The following PCGF3 variants were observed in gnomAD, a reference collection of about 807,000 sequenced individuals.
PCGF3 encodes polycomb group RING finger protein 3.
PCGF3 carries 7 observed loss-of-function variants against 33.1 expected under a neutral mutation model. The observed-to-expected ratio is 0.21, with a 90% CI of 0.12 to 0.40. PCGF3 has a LOEUF of 0.40. Among genes scored for constraint, PCGF3 ranks in the 10% least tolerant of loss-of-function variants. The pLI is 1.00. For synonymous variants in PCGF3, 153 were observed against 121.3 expected (o/e 1.26, Z -1.72); for missense variants, 211 against 313.3 (o/e 0.67, Z 2.46).
chr4:715,210 G>GAA, intron 1 of PCGF3, among the ~76,000 whole-genome samples: 1 of 140,652 alleles, frequency 7.1e-6, no homozygotes, highest in African/African-American at 2.5e-5. Flanking sequence ...TGAGAACTGG[G>GAA]TGTTGGTGCT....
chr4:737,638 G>A (rs958565125), intron 6 of PCGF3, 117 bp downstream of exon 6: 16 of 698,276 alleles, frequency 2.3e-5, no homozygotes, highest in Middle Eastern at 2.7e-4. Flanking sequence ...CCGAATCACC[G>A]TCTTCTCATC....
At position 744,700 on chromosome 4, in the gene PCGF3, C is replaced by A. The variant is rs1408085438; in HGVS notation, c.462+12C>A. On this transcript the variant is annotated intron_variant, in intron 8 of 10. Coordinates refer to ENST00000362003, the Ensembl canonical transcript of PCGF3. ...GCAGCGACGAGCAGGTGGGCGGGGCCCGGGGGTCGCTGCAGTGTTAGTGTT... is the reference window on the plus strand; with the variant it reads ...GCAGCGACGAGCAGGTGGGCGGGGCACGGGGGTCGCTGCAGTGTTAGTGTT... 2.0e-6 allele frequency: 3 copies of A among 1,508,140 alleles called. No homozygotes were observed. Among genetic ancestry groups the A allele is most frequent in the Non-Finnish European group, 2.7e-6 (3 of 1,114,544 alleles). 93.4% of individuals were successfully genotyped at this position (1,508,140 alleles called of 1,614,324 possible).
At chr4:761,445 T>C in intron 9 of PCGF3, 29 bp downstream of exon 9, 1 of 1,548,942 alleles carries the variant, frequency 6.5e-7, no homozygotes, top group Non-Finnish European at 8.8e-7. Context: ...GTAGAAACCA[T>C]AACAAGTCCT....
rs138730390 is a variant in PCGF3, at chr4:754,335, C to T, written c.463-6944C>T. Among the ~76,000 whole-genome samples the T allele has an allele frequency of 6.1e-3, 931 of 152,328 alleles. 9 individuals carry two copies. The highest frequency in any genetic ancestry group is 0.021 in the African/African-American group (876 of 41,564). On this transcript the variant is annotated intron_variant, in intron 8 of 10. Coordinates refer to ENST00000362003, the Ensembl canonical transcript of PCGF3. ...GCTCCTGTCCGCACCCTCGGGCACG[C>T]GCTGTGCTCTTGGGACTTCACACCC...
chr4:721,580 G>T lies in PCGF3; in HGVS notation c.-189-9050G>T, dbSNP rs1377359012. 6.6e-6 allele frequency among the ~76,000 whole-genome samples: 1 copy of T among 152,048 alleles called. No homozygotes were observed. The highest frequency in any genetic ancestry group is 2.4e-5 in the African/African-American group (1 of 41,410). On this transcript the variant is annotated intron_variant, in intron 1 of 10. Transcript: ENST00000362003. This position sits in a 1 kb window ranked among gnomAD's most constrained non-coding sequence, Gnocchi z 4.1. ...GAGTGCACTCGCTGGGGGTCACCCT[G>T]CCCCCCAGGACTCCTTTCACAGGAC...
intron 4 of PCGF3, 110 bp downstream of exon 4, chr4:733,899 A>G (rs562978204): frequency 1.9e-6 from 3 of 1,586,302 alleles, no homozygotes; most frequent in Non-Finnish European, 2.6e-6. Context: ...GCCCGACAAA[A>G]GCAGGAACCA....
At chr4:728,124 G>A (rs1357708216) in intron 1 of PCGF3, among the ~76,000 whole-genome samples, 2 of 152,164 alleles carry the variant, frequency 1.3e-5, no homozygotes, top group African/African-American at 2.4e-5. Context: ...TATCTTGTCC[G>A]TGCTCGGACG....
intron 9 of PCGF3, chr4:761,662 T>G (rs1745066371): frequency 2.0e-6 from 2 of 985,254 alleles, no homozygotes; most frequent in Non-Finnish European, 2.4e-6. Context: ...GCGGGGATGA[T>G]GAGACTGTTT....
intron 1 of PCGF3, among the ~76,000 whole-genome samples, chr4:725,978 C>G (rs1182414339): frequency 1.3e-5 from 2 of 152,168 alleles, no homozygotes; most frequent in South Asian, 2.1e-4. Context: ...TCAGGTCGTC[C>G]CAGCCTCTTC....
intron 8 of PCGF3, among the ~76,000 whole-genome samples, chr4:749,737 G>A (rs1004033665): frequency 3.3e-5 from 5 of 152,018 alleles, no homozygotes; most frequent in South Asian, 2.1e-4. Context: ...CACCTGCCTC[G>A]GCTTCCCAAA....
In PCGF3 at chr4:727,233, C is replaced by CTTTTTTTTTTTTTTTTTT. The variant is rs57690550; in HGVS notation, c.-189-3389_-189-3372dup. ...AGAGGATGTGTGTGTTAGCGAGCGT[C>CTTTTTTTTTTTTTTTTTT]TTTTTTTTTTTTTTTTTTTTTTTTT... On this transcript the variant is annotated intron_variant, in intron 1 of 10. Coordinates refer to ENST00000362003, the Ensembl canonical transcript of PCGF3. Among the ~76,000 whole-genome samples, 81 of 61,898 alleles carry CTTTTTTTTTTTTTTTTTT rather than the reference C, an allele frequency of 1.3e-3. 10 individuals are homozygous for CTTTTTTTTTTTTTTTTTT. Among genetic ancestry groups the CTTTTTTTTTTTTTTTTTT allele is most frequent in the South Asian group, 2.6e-3 (3 of 1,146 alleles). 40.6% of individuals were successfully genotyped at this position (61,898 alleles called of 152,430 possible). A position where few individuals can be genotyped will look rare whatever the true frequency, so the allele number is the denominator to read the frequency against.
intron 1 of PCGF3, chr4:722,359 C>T (rs181854759): frequency 6.7e-5 from 13 of 195,078 alleles, no homozygotes; most frequent in Non-Finnish European, 1.2e-4. Flanking sequence ...CCCAGCATCC[C>T]GCAGCTAAAT....
intron 8 of PCGF3, chr4:757,566 C>A (rs1442640651): frequency 6.6e-6 from 1 of 152,184 alleles, no homozygotes; most frequent in East Asian, 1.9e-4. Flanking sequence ...TATTTCTGTT[C>A]TTAAAATGTC....
intron 7 of PCGF3, 77 bp downstream of exon 7, chr4:743,661 C>T: frequency 1.2e-6 from 1 of 828,938 alleles, no homozygotes; most frequent in Non-Finnish European, 2.0e-6. Context: ...CTGGCGCTGT[C>T]TGCCGGCCCC....
chr4:736,874 C>G (rs761649098), intron 5 of PCGF3, among the ~76,000 whole-genome samples: 1 of 118,840 alleles, frequency 8.4e-6, no homozygotes, highest in African/African-American at 3.2e-5. Context: ...GCGCACGGGA[C>G]GCGGGGAACC....
At chr4:733,909 A>G (rs771567533) in intron 4 of PCGF3, 120 bp downstream of exon 4, 1 of 1,578,800 alleles carries the variant, frequency 6.3e-7, no homozygotes, top group Non-Finnish European at 8.6e-7. Context: ...AGCAGGAACC[A>G]GGACCAGGGG....
At chr4:766,255 TAC>T (rs1320909203) in exon 11 of PCGF3, 2 of 590,610 alleles carry the variant, frequency 3.4e-6, no homozygotes, top group Non-Finnish European at 6.0e-6. Flanking sequence ...GCACCACGTT[TAC>T]AGAGGATGAA....
intron 10 of PCGF3, among the ~76,000 whole-genome samples, chr4:765,360 G>A (rs1745304773): frequency 6.6e-6 from 1 of 152,062 alleles, no homozygotes; most frequent in Non-Finnish European, 1.5e-5. Context: ...GTGAACCCGG[G>A]AGACGAAGCT....
intron 8 of PCGF3, chr4:756,921 A>G (rs1744795357): frequency 6.6e-6 from 1 of 152,250 alleles, no homozygotes; most frequent in Non-Finnish European, 1.5e-5. Context: ...CATTATATAC[A>G]TAAAAGAGGT....
Sources: allele counts gnomAD v4.1 joint callset (sites outside exome capture counted in the v4.1 genomes callset), GRCh38; gene constraint gnomAD v4.1.1; non-coding constraint Gnocchi (gnomAD v3.1); transcripts MANE v1.5; gene names NCBI Gene and HGNC (gene_info 2026-07-23, HGNC 2026-07-21).